Variants in GRIK2 observed in about 807,000 individuals in gnomAD.
The protein encoded by GRIK2 is glutamate ionotropic receptor kainate type subunit 2.
Under a neutral mutation model 100.3 loss-of-function variants are expected in GRIK2, and 32 were observed. That is an observed-to-expected ratio of 0.32 (90% confidence interval 0.24 to 0.43). The LOEUF (loss-of-function observed/expected upper bound fraction) is 0.43. GRIK2 is among the 20% of genes least tolerant of loss of function. GRIK2 has a pLI of 1.00. For missense variants in GRIK2, 843 were observed against 1,114.9 expected, an observed-to-expected ratio of 0.76 and a Z score of 3.47; for synonymous variants, 417 against 389.4, an observed-to-expected ratio of 1.07 and a Z score of -0.83.
intron 4 of GRIK2, among the ~76,000 whole-genome samples, chr6:101,629,713 A>T (rs2128319781): frequency 6.6e-6 from 1 of 152,082 alleles, no homozygotes; most frequent in Admixed American, 6.6e-5. Flanking sequence ...TCAAGGTAGA[A>T]TTTTTTTCAA....
At chr6:101,552,887 C>G (rs1198265527) in intron 2 of GRIK2, among the ~76,000 whole-genome samples, 2 of 152,172 alleles carry the variant, frequency 1.3e-5, no homozygotes, top group Non-Finnish European at 2.9e-5. Flanking sequence ...AAAAAACACT[C>G]TATGTCTGAA....
intron 14 of GRIK2, among the ~76,000 whole-genome samples, chr6:101,979,172 G>T (rs1422751784): frequency 6.6e-6 from 1 of 152,010 alleles, no homozygotes; most frequent in East Asian, 1.9e-4. Context: ...AGGACTGAAA[G>T]ATTGTTGGAA....
At chr6:101,891,002 T>C (rs951422775) in intron 12 of GRIK2, among the ~76,000 whole-genome samples, 22 of 150,430 alleles carry the variant, frequency 1.5e-4, no homozygotes, top group African/African-American at 5.4e-4. Context: ...TATATATATA[T>C]ATGTTTTGTG....
At chr6:101,540,565 A>T (rs1181239979) in intron 2 of GRIK2, among the ~76,000 whole-genome samples, 1 of 151,986 alleles carries the variant, frequency 6.6e-6, no homozygotes, top group Non-Finnish European at 1.5e-5. Context: ...GGAAAGTTAG[A>T]TAAAAATGTA....
chr6:101,777,918 G>T (rs1375559255), intron 7 of GRIK2, among the ~76,000 whole-genome samples: 4 of 152,216 alleles, frequency 2.6e-5, no homozygotes, highest in African/African-American at 9.6e-5. Flanking sequence ...GCTGCTGACA[G>T]ATTTGGTTCA....
intron 2 of GRIK2, among the ~76,000 whole-genome samples, chr6:101,529,559 G>A (rs1046770679): frequency 5.9e-5 from 9 of 151,926 alleles, no homozygotes; most frequent in Admixed American, 1.3e-4. Flanking sequence ...AGTGTGCTCT[G>A]TTGATCTATT....
At chr6:101,983,089 G>A (rs1484219832) in intron 14 of GRIK2, among the ~76,000 whole-genome samples, 2 of 151,664 alleles carry the variant, frequency 1.3e-5, no homozygotes, top group Non-Finnish European at 2.9e-5. Flanking sequence ...GACAATAAAT[G>A]GCCACCTTAT....
intron 7 of GRIK2, among the ~76,000 whole-genome samples, chr6:101,764,986 C>T (rs1777954110): frequency 6.6e-6 from 1 of 152,094 alleles, no homozygotes; most frequent in African/African-American, 2.4e-5. Flanking sequence ...CAAATCCACA[C>T]CTTCACTGGT....
chr6:101,686,908 A>G lies in GRIK2; in HGVS notation c.951+555A>G, dbSNP rs1419268586. On this transcript the variant is annotated intron_variant, in intron 7 of 16. Transcript: ENST00000369134. The stretch of plus-strand genomic sequence containing the variant: ...CTATGAAAGAAGGGTATATTCTTAT[A>G]TAACTTAGTTGTTTATGCCAAACAA... Among the ~76,000 whole-genome samples the G allele has an allele frequency of 2.0e-5, 3 of 152,194 alleles. No individual in the cohort carries two copies. The East Asian group carries it at 5.8e-4, about 29-fold the overall frequency.
intron 11 of GRIK2, among the ~76,000 whole-genome samples, chr6:101,876,520 A>G (rs1056659226): frequency 7.1e-6 from 1 of 140,978 alleles, no homozygotes; most frequent in African/African-American, 2.9e-5. Context: ...CACACACACA[A>G]AACCTCATCC....
At chr6:101,592,835 C>A (rs68717) in intron 2 of GRIK2, among the ~76,000 whole-genome samples, 56,788 of 150,438 alleles carry the variant, frequency 0.38, 11,751 homozygotes, top group African/African-American at 0.56. Context: ...GAGAAAATGA[C>A]AACTGTATAA....
At chr6:101,997,284 A>G (rs1375021404) in intron 14 of GRIK2, among the ~76,000 whole-genome samples, 1 of 152,048 alleles carries the variant, frequency 6.6e-6, no homozygotes, top group East Asian at 1.9e-4. Flanking sequence ...TTTAATTATT[A>G]CCTTCTCAGC....
intron 2 of GRIK2, among the ~76,000 whole-genome samples, chr6:101,526,718 TACAGGTTGTAGTTCTCATCTCTGTAC>T (rs1442791163): frequency 2.0e-5 from 3 of 152,182 alleles, no homozygotes; most frequent in Admixed American, 6.5e-5. Flanking sequence ...AAAAGGAAGC[TACAGGTTGTAGTTCTCATCTCTGTAC>T]ACAGGTTGTA....
At chr6:101,814,357 C>G (rs953267866) in intron 9 of GRIK2, among the ~76,000 whole-genome samples, 1 of 151,768 alleles carries the variant, frequency 6.6e-6, no homozygotes, top group Non-Finnish European at 1.5e-5. Context: ...GATTTATCAG[C>G]AAATGCAAAG....
At position 101,889,715 on chromosome 6, in the gene GRIK2, A is replaced by G. The variant is rs1265309261; in HGVS notation, c.1600A>G (p.Met534Val). 1 of 1,608,102 alleles carries G rather than the reference A, an allele frequency of 6.2e-7. No homozygotes were observed. The highest frequency in any genetic ancestry group is 8.5e-7 in the Non-Finnish European group (1 of 1,178,872). The change falls in exon 12 of 17, where the codon ATG (methionine) becomes GTG (valine). Residue 534 changes from methionine to valine, a missense_variant. Coordinates refer to ENST00000369134, the MANE Select transcript of GRIK2 (RefSeq NM_021956.5). ...GGTCATCGACTTTTCCAAGCCCTTT[A>G]TGACACTTGGAATAAGTATTTTGTA... Reference protein sequence around the residue: ...EKVIDFSKPFMTLGISILYRK... With the variant: ...EKVIDFSKPFVTLGISILYRK...
At chr6:101,466,942 A>G (rs1356475128) in intron 2 of GRIK2, among the ~76,000 whole-genome samples, 1 of 152,236 alleles carries the variant, frequency 6.6e-6, no homozygotes, top group African/African-American at 2.4e-5. Flanking sequence ...GCTTTTAAAT[A>G]ACTTGTAAAA....
chr6:101,897,137 T>G (rs764824323), intron 12 of GRIK2, among the ~76,000 whole-genome samples: 1 of 151,864 alleles, frequency 6.6e-6, no homozygotes, highest in African/African-American at 2.4e-5. Context: ...CAGTTACTAA[T>G]GTGTCTTTTA....
chr6:101,589,361 T>G (rs1427282543), intron 2 of GRIK2, among the ~76,000 whole-genome samples: 1 of 152,170 alleles, frequency 6.6e-6, no homozygotes, highest in Non-Finnish European at 1.5e-5. Flanking sequence ...TGTTATTAAC[T>G]ATAGCCACCA....
intron 2 of GRIK2, among the ~76,000 whole-genome samples, chr6:101,437,025 G>T (rs1769760795): frequency 1.4e-5 from 2 of 147,764 alleles, no homozygotes; most frequent in South Asian, 2.1e-4. Flanking sequence ...TACCTATATG[G>T]ATATATATAT....
Sources: gnomAD v4.1 joint callset for allele counts (sites outside exome capture counted in the v4.1 genomes callset) on GRCh38, gnomAD v4.1.1 for gene constraint, MANE v1.5 for transcripts, NCBI Gene and HGNC (gene_info 2026-07-23, HGNC 2026-07-21) for gene names.